The following ARL13B variants were observed in gnomAD, a reference collection of about 807,000 sequenced individuals.
The protein encoded by ARL13B is ARF like GTPase 13B.
In ARL13B, 36 loss-of-function variants were observed where a neutral mutation model predicts 56.1. The ratio of observed to expected loss-of-function variants is 0.64; its 90% CI spans 0.49 to 0.85. The LOEUF is 0.85. ARL13B is among the 40% of genes least tolerant of loss of function. The probability of loss-of-function intolerance (pLI) is 0.00; values close to 1 mark genes in which losing one functional copy is unlikely to be tolerated. For synonymous variants in ARL13B, 178 were observed against 171.1 expected (o/e 1.04, Z -0.32); for missense variants, 519 against 507.1 (o/e 1.02, Z -0.23).
At chr3:94,014,140 T>C (rs577655677) in intron 3 of ARL13B, among the ~76,000 whole-genome samples, 57 of 152,338 alleles carry the variant, frequency 3.7e-4, no homozygotes, top group Admixed American at 1.4e-3. Flanking sequence ...TCATTTTCAA[T>C]AGTTAATTTG....
intron 3 of ARL13B, among the ~76,000 whole-genome samples, chr3:94,019,882 C>G (rs1383969220): frequency 2.6e-5 from 4 of 152,280 alleles, no homozygotes; most frequent in African/African-American, 9.6e-5. Context: ...AGTGTTCTTT[C>G]CCATGTAGTA....
chr3:93,982,983 T>C (rs549066092), intron 1 of ARL13B, among the ~76,000 whole-genome samples: 4 of 152,328 alleles, frequency 2.6e-5, no homozygotes, highest in Admixed American at 2.6e-4. Context: ...TTGATTATTA[T>C]GTATATATTT....
intron 3 of ARL13B, among the ~76,000 whole-genome samples, chr3:94,005,420 A>C (rs1269213919): frequency 2.0e-5 from 3 of 152,196 alleles, no homozygotes; most frequent in Admixed American, 2.0e-4. Context: ...GAAATGAGGG[A>C]GTCAGTCATG....
intron 6 of ARL13B, 132 bp from the exon 7 acceptor site, chr3:94,042,883 C>A: frequency 1.4e-6 from 1 of 701,306 alleles, no homozygotes; most frequent in Non-Finnish European, 2.3e-6. Flanking sequence ...TTCATGAAAT[C>A]ATTTTTAAAA....
intron 2 of ARL13B, among the ~76,000 whole-genome samples, chr3:94,002,433 T>G (rs115294244): frequency 0.023 from 3,462 of 152,266 alleles, 128 homozygotes; most frequent in African/African-American, 0.079. Flanking sequence ...TTAAATTTTA[T>G]TTTAGTTTAT....
intron 5 of ARL13B, among the ~76,000 whole-genome samples, chr3:94,037,184 C>G (rs2076783847): frequency 6.6e-6 from 1 of 152,172 alleles, no homozygotes. Context: ...ACACACAGGA[C>G]AGTCTCCCAC....
chr3:93,986,189 A>G (rs1559964954), intron 1 of ARL13B, among the ~76,000 whole-genome samples: 2 of 152,310 alleles, frequency 1.3e-5, no homozygotes, highest in East Asian at 1.9e-4. Flanking sequence ...AAAAGGACCT[A>G]GAGACATTCT....
Position 94,029,334 on chromosome 3 carries a change from A to ATTTTTT in ARL13B, c.381-5994_381-5993insTTTTTT, listed in dbSNP as rs71105171. On this transcript the variant is annotated intron_variant, in intron 3 of 9. Coordinates refer to ENST00000394222, the MANE Select transcript of ARL13B (RefSeq NM_001174150.2). ...TATATATATATATATATATATATAT[A>ATTTTTT]TTTATTTTTTTTTTATTTTTTTTTT... Among the ~76,000 whole-genome samples the ATTTTTT allele has an allele frequency of 1.7e-4, 9 of 53,410 alleles. 1 individual carries two copies. The highest frequency in any genetic ancestry group is 4.7e-4 in the African/African-American group (5 of 10,724). 35.0% of individuals were successfully genotyped at this position (53,410 alleles called of 152,430 possible).
intron 6 of ARL13B, 70 bp from the exon 7 acceptor site, chr3:94,042,945 T>C: frequency 7.7e-7 from 1 of 1,293,734 alleles, no homozygotes; most frequent in Non-Finnish European, 1.1e-6. Flanking sequence ...AGGTATTTGA[T>C]TTCCTCTCCC....
intron 7 of ARL13B, among the ~76,000 whole-genome samples, chr3:94,043,726 C>T (rs1336788484): frequency 8.5e-6 from 1 of 118,100 alleles, no homozygotes; most frequent in Non-Finnish European, 1.7e-5. Context: ...GCCATGATCT[C>T]GGCTCACTGC....
At position 94,050,841 on chromosome 3, in the gene ARL13B, A is replaced by G. The variant is rs773535816; in HGVS notation, c.1159A>G (p.Lys387Glu). 17 of 1,612,620 alleles carry G rather than the reference A, an allele frequency of 1.1e-5. No individual in the cohort carries two copies. The highest frequency in any genetic ancestry group is 1.2e-5 in the Non-Finnish European group (14 of 1,179,698). Reference sequence around the variant, plus strand: ...TTCTTTAGTTGGCTGGGGAACCCCTAAAGTCACTAGACTTCCAAAACTTGA... The same window carrying G: ...TTCTTTAGTTGGCTGGGGAACCCCTGAAGTCACTAGACTTCCAAAACTTGA... ...PPPPVGWGTP[K>E]VTRLPKLEPL... Residue 387 changes from lysine (K) to glutamate (E), a missense_variant, in exon 9 of 10, where the codon AAA becomes GAA. Lys to Glu is a moderately conservative substitution (Grantham distance 56). Coordinates refer to ENST00000394222, the MANE Select transcript of ARL13B (RefSeq NM_001174150.2).
At chr3:94,040,260 T>G (rs995341093) in intron 6 of ARL13B, among the ~76,000 whole-genome samples, 1 of 152,216 alleles carries the variant, frequency 6.6e-6, no homozygotes, top group Non-Finnish European at 1.5e-5. Flanking sequence ...ATAGTTGCTG[T>G]GTTGACAAAT....
At chr3:94,015,323 G>C (rs930029569) in intron 3 of ARL13B, 6 of 1,456,478 alleles carry the variant, frequency 4.1e-6, no homozygotes, top group Non-Finnish European at 4.5e-6. Context: ...GTAGAAATTT[G>C]GTATTTTTCC....
At chr3:94,019,204 T>A (rs2076397038) in intron 3 of ARL13B, among the ~76,000 whole-genome samples, 1 of 151,710 alleles carries the variant, frequency 6.6e-6, no homozygotes, top group Non-Finnish European at 1.5e-5. Context: ...TTTTGTTAAT[T>A]TTTTATTTTT....
intron 2 of ARL13B, among the ~76,000 whole-genome samples, chr3:93,998,084 T>G (rs1246870375): frequency 6.6e-6 from 1 of 152,266 alleles, no homozygotes; most frequent in Non-Finnish European, 1.5e-5. Context: ...TTTTCATGTG[T>G]TAGGAAATAT....
rs1208236343 is a variant in ARL13B, at chr3:94,054,870, C to T, written c.*1607C>T. 3.4e-6 allele frequency: 1 copy of T among 296,588 alleles called. No individual in the cohort carries two copies. The highest frequency in any genetic ancestry group is 2.9e-5 in the South Asian group (1 of 34,288). 18.4% of individuals were successfully genotyped at this position (296,588 alleles called of 1,614,324 possible). ...TGTGATGAAAAGCAATACGAAAAGA[C>T]AATGTAAACTTTGAAAAGGATTTTA... is the stretch of plus-strand genomic sequence containing the variant. On this transcript the variant is annotated 3_prime_UTR_variant, in exon 10 of 10. Coordinates refer to ENST00000394222, the MANE Select transcript of ARL13B (RefSeq NM_001174150.2).
intron 1 of ARL13B, among the ~76,000 whole-genome samples, chr3:93,980,975 T>G (rs2107303242): frequency 6.6e-6 from 1 of 152,326 alleles, no homozygotes; most frequent in South Asian, 2.1e-4. Context: ...CCACCTTTCT[T>G]AAATATTAAA....
intron 3 of ARL13B, among the ~76,000 whole-genome samples, chr3:94,031,429 C>T (rs1440756334): frequency 6.6e-6 from 1 of 151,942 alleles, no homozygotes; most frequent in Non-Finnish European, 1.5e-5. Context: ...ATCAAGGCTT[C>T]TTGGGGAAAT....
At position 94,049,464 on chromosome 3, in the gene ARL13B, A is replaced by C; in HGVS notation, c.1083A>C (p.Pro361=). 1 of 1,612,016 alleles carries C rather than the reference A, an allele frequency of 6.2e-7. No homozygotes were observed. Among genetic ancestry groups the C allele is most frequent in the Non-Finnish European group, 8.5e-7 (1 of 1,179,202 alleles). The change falls in exon 8 of 10, where the codon CCA becomes CCC. Residue 361 remains proline, a synonymous_variant. Transcript: ENST00000394222. ...TGAAAAGGAACCACCGGGTAGAACCACTTAATATAGATGACTGTGCTCCTG... is the reference window on the plus strand; with the variant it reads ...TGAAAAGGAACCACCGGGTAGAACCCCTTAATATAGATGACTGTGCTCCTG... ...LRMKRNHRVE[P]LNIDDCAPES... is the part of the protein sequence containing the mutation.
Sources: allele counts gnomAD v4.1 joint callset (sites outside exome capture counted in the v4.1 genomes callset), GRCh38; gene constraint gnomAD v4.1.1; transcripts MANE v1.5; gene names NCBI Gene and HGNC (gene_info 2026-07-23, HGNC 2026-07-21).